The following DCC variants were observed in gnomAD, a reference collection of about 807,000 sequenced individuals.
DCC encodes DCC netrin 1 receptor, also known as netrin receptor DCC.
In DCC, 58 loss-of-function variants were observed where a neutral mutation model predicts 172.5. That is an observed-to-expected ratio of 0.34 (90% CI 0.27 to 0.42). DCC has a LOEUF of 0.42. Among genes scored for constraint, DCC ranks in the 10% least tolerant of loss-of-function variants. The pLI, the probability that DCC is intolerant of heterozygous loss-of-function variation, is 1.00. For synonymous variants in DCC, 709 were observed against 644.5 expected (o/e 1.10, Z -1.52); for missense variants, 1,740 against 1,791.0 (o/e 0.97, Z 0.51).
intron 1 of DCC, among the ~76,000 whole-genome samples, chr18:52,751,788 T>C (rs1303892778): frequency 1.3e-5 from 2 of 152,172 alleles, no homozygotes; most frequent in East Asian, 3.8e-4. Flanking sequence ...TGATATGTGG[T>C]AATAAGCATG....
intron 1 of DCC, among the ~76,000 whole-genome samples, chr18:52,417,903 C>T (rs926630685): frequency 9.2e-5 from 14 of 152,304 alleles, no homozygotes; most frequent in Non-Finnish European, 1.2e-4. Context: ...AGCTTTGTTC[C>T]GTTGCTGGTG....
At chr18:52,792,552 G>A (rs1397100777) in intron 2 of DCC, among the ~76,000 whole-genome samples, 6 of 152,180 alleles carry the variant, frequency 3.9e-5, no homozygotes, top group South Asian at 2.1e-4. Context: ...TCCATGAAAG[G>A]AGGCTGGTTC....
intron 15 of DCC, among the ~76,000 whole-genome samples, chr18:53,355,507 T>A (rs1005420457): frequency 6.6e-5 from 10 of 152,178 alleles, no homozygotes; most frequent in Non-Finnish European, 1.5e-4. Context: ...GTAAGTTGTA[T>A]TCCTAGGTAT....
intron 11 of DCC, among the ~76,000 whole-genome samples, chr18:53,213,850 T>C (rs913450448): frequency 6.0e-5 from 9 of 150,952 alleles, no homozygotes; most frequent in Non-Finnish European, 1.3e-4. Context: ...TTATAACGTT[T>C]AGAATAGATT....
At chr18:53,199,743 G>C (rs2055506588) in intron 9 of DCC, among the ~76,000 whole-genome samples, 1 of 152,008 alleles carries the variant, frequency 6.6e-6, no homozygotes, top group South Asian at 2.1e-4. Flanking sequence ...CACTAGCCAG[G>C]AATGCAGTAA....
rs111995354 is a variant in DCC, at chr18:53,097,971, A to G, written c.1261+31805A>G. Reference sequence around the variant, plus strand: ...ACATTGGGGGTTAGAGCTTCAACGTATCAATTTTGAGGCTACACAACTCAG... The same window carrying G: ...ACATTGGGGGTTAGAGCTTCAACGTGTCAATTTTGAGGCTACACAACTCAG... On this transcript the variant is annotated intron_variant, in intron 7 of 28. Coordinates refer to ENST00000442544, the MANE Select transcript of DCC (RefSeq NM_005215.4). Among the ~76,000 whole-genome samples, 1,457 of 152,218 alleles carry G rather than the reference A, an allele frequency of 9.6e-3. 31 individuals carry two copies. Among genetic ancestry groups the G allele is most frequent in the African/African-American group, 0.032 (1,333 of 41,538 alleles).
intron 15 of DCC, among the ~76,000 whole-genome samples, chr18:53,359,928 G>T (rs987032050): frequency 6.6e-6 from 1 of 152,074 alleles, no homozygotes; most frequent in Non-Finnish European, 1.5e-5. Context: ...ATCATTTCCT[G>T]TATCTGTGTG....
intron 1 of DCC, among the ~76,000 whole-genome samples, chr18:52,652,493 T>C (rs982628528): frequency 5.9e-5 from 9 of 152,170 alleles, no homozygotes; most frequent in Non-Finnish European, 1.2e-4. Context: ...CATGCTCTTT[T>C]TAAGACAAGG....
chr18:53,248,753 A>G (rs922926562), intron 12 of DCC, among the ~76,000 whole-genome samples: 4 of 152,092 alleles, frequency 2.6e-5, no homozygotes, highest in Non-Finnish European at 4.4e-5. Flanking sequence ...TAGCCAGAGA[A>G]ATTGGATGAT....
intron 8 of DCC, among the ~76,000 whole-genome samples, chr18:53,169,682 A>C (rs990936977): frequency 3.3e-5 from 5 of 152,138 alleles, no homozygotes; most frequent in Non-Finnish European, 5.9e-5. Context: ...AACATCACTG[A>C]GAGGGAGGAG....
At chr18:52,749,099 C>T (rs1038473263) in intron 1 of DCC, among the ~76,000 whole-genome samples, 2 of 152,012 alleles carry the variant, frequency 1.3e-5, no homozygotes, top group South Asian at 2.1e-4. Flanking sequence ...ACTGGGGAAG[C>T]TGAGGCAGGA....
At chr18:53,229,132 C>A (rs1224170014) in intron 12 of DCC, among the ~76,000 whole-genome samples, 1 of 151,972 alleles carries the variant, frequency 6.6e-6, no homozygotes, top group African/African-American at 2.4e-5. Flanking sequence ...TCTACAGATC[C>A]CACTATAATA....
chr18:53,450,756 C>T (rs2045401205), intron 23 of DCC, 94 bp downstream of exon 23: 2 of 1,060,844 alleles, frequency 1.9e-6, no homozygotes, highest in South Asian at 2.6e-5. Context: ...CATAATTCAC[C>T]CCATGTCCTT....
intron 18 of DCC, among the ~76,000 whole-genome samples, chr18:53,398,538 C>T (rs1909098741): frequency 6.6e-6 from 1 of 152,066 alleles, no homozygotes; most frequent in Non-Finnish European, 1.5e-5. Flanking sequence ...AACAAGTAAA[C>T]AGTCTACTCT....
intron 1 of DCC, among the ~76,000 whole-genome samples, chr18:52,625,452 A>G (rs756988183): frequency 1.3e-5 from 2 of 152,118 alleles, no homozygotes; most frequent in African/African-American, 2.4e-5. Flanking sequence ...GTGCTTTGCT[A>G]CTATTGGGGT....
At chr18:53,211,330 A>G (rs1174736559) in intron 11 of DCC, among the ~76,000 whole-genome samples, 1 of 152,238 alleles carries the variant, frequency 6.6e-6, no homozygotes, top group Non-Finnish European at 1.5e-5. Context: ...CAGCAGAGCC[A>G]GACCACATAA....
At chr18:52,694,812 T>G (rs1451778444) in intron 1 of DCC, among the ~76,000 whole-genome samples, 12 of 152,160 alleles carry the variant, frequency 7.9e-5, no homozygotes, top group Admixed American at 7.9e-4. Context: ...CAAATTTATC[T>G]GTAAAGTAAA....
intron 1 of DCC, among the ~76,000 whole-genome samples, chr18:52,689,805 A>G (rs1030924303): frequency 6.6e-6 from 1 of 152,130 alleles, no homozygotes; most frequent in Non-Finnish European, 1.5e-5. Flanking sequence ...ATGTATGCAT[A>G]ATAATGGAGG....
intron 2 of DCC, among the ~76,000 whole-genome samples, chr18:52,808,683 G>A (rs1026799095): frequency 6.6e-6 from 1 of 152,158 alleles, no homozygotes; most frequent in African/African-American, 2.4e-5. Flanking sequence ...GCAGGCAGAA[G>A]TTTCCCTGTT....
Sources: allele counts gnomAD v4.1 joint callset (sites outside exome capture counted in the v4.1 genomes callset), GRCh38; gene constraint gnomAD v4.1.1; transcripts MANE v1.5; gene names NCBI Gene and HGNC (gene_info 2026-07-23, HGNC 2026-07-21).